Variants in ADCY7 observed in about 807,000 individuals in gnomAD.
ADCY7 encodes the protein adenylate cyclase type 7.
A neutral mutation model predicts 120.6 loss-of-function variants in ADCY7; 72 were observed. The observed-to-expected ratio is 0.60, with a 90% CI of 0.49 to 0.73. The LOEUF (loss-of-function observed/expected upper bound fraction) is 0.73. ADCY7 is among the 30% of genes least tolerant of loss of function. ADCY7 has a pLI of 0.00. For missense variants in ADCY7, 1,227 were observed against 1,486.0 expected (o/e 0.83, Z 2.87); for synonymous variants, 661 against 628.0 (o/e 1.05, Z -0.78).
chr16:50,308,790 C>A lies in ADCY7; in HGVS notation c.2059C>A (p.Leu687Met). 1 of 1,607,676 alleles carries A rather than the reference C, an allele frequency of 6.2e-7. No homozygotes were observed. Among genetic ancestry groups the A allele is most frequent in the Non-Finnish European group, 8.5e-7 (1 of 1,177,796 alleles). ...GSLLTVAIIN[L>M]PLMPFQVPEL... ...CCTGCTCACTGTGGCCATCATCAACCTGGTGGGTCCCGTGGTGGGGAGGCA... is the reference window on the plus strand; with the variant it reads ...CCTGCTCACTGTGGCCATCATCAACATGGTGGGTCCCGTGGTGGGGAGGCA... The change falls in exon 17 of 26, where the codon CTG (leucine) becomes ATG (methionine). Residue 687 changes from leucine to methionine, a missense_variant and splice_region_variant. Physicochemically the swap from Leu to Met is conservative, Grantham distance 15. Around this residue, in one of 5 missense-constraint regions of ADCY7, gnomAD observed 267 missense variants for 270.0 expected, o/e 0.99. Coordinates refer to ENST00000673801, the MANE Select transcript of ADCY7 (RefSeq NM_001114.5).
chr16:50,305,780 C>T lies in ADCY7; in HGVS notation c.1683C>T (p.Pro561=). 6.2e-7 allele frequency: 1 copy of T among 1,613,952 alleles called. No homozygotes were observed. The highest frequency in any genetic ancestry group is 1.1e-5 in the South Asian group (1 of 91,088). ...SAIEGLSSTR[P]CCSKSDDFYT... is the part of the protein sequence containing the mutation. Reference sequence around the variant, plus strand: ...CCGCAGCTGCCCCCGCCCACAGGCCCTGCTGCTCCAAGTCCGATGACTTCT... The same window carrying T: ...CCGCAGCTGCCCCCGCCCACAGGCCTTGCTGCTCCAAGTCCGATGACTTCT... Residue 561 remains proline (P), a synonymous_variant, in exon 14 of 26, where the codon CCC becomes CCT. Transcript: ENST00000673801.
chr16:50,279,632 CT>C (rs1468442067), intron 1 of ADCY7: 1 of 152,208 alleles, frequency 6.6e-6, no homozygotes, highest in Non-Finnish European at 1.5e-5. Flanking sequence ...AGCTCATTTC[CT>C]GAGCAGAATT....
At chr16:50,312,766 C>T (rs955439373) in intron 21 of ADCY7, 124 bp from the exon 22 acceptor site, 7 of 848,074 alleles carry the variant, frequency 8.3e-6, no homozygotes, top group Non-Finnish European at 1.2e-5. Flanking sequence ...CAGCCCGCCC[C>T]CCTCCCCACT....
chr16:50,276,796 G>A (rs1043758833), intron 1 of ADCY7, among the ~76,000 whole-genome samples: 2 of 152,030 alleles, frequency 1.3e-5, no homozygotes, highest in African/African-American at 2.4e-5. Context: ...ATCTCACTAC[G>A]TTGCCCAGGC....
rs935757103 is a variant in ADCY7, at chr16:50,318,101, TTTATACATTAAA to T, written c.*2600_*2611del. On this transcript the variant is annotated 3_prime_UTR_variant, in exon 26 of 26. Transcript: ENST00000673801. Reference sequence around the variant, plus strand: ...ATAAAGTACCAGTGTTTAGCTGCTTTTTATACATTAAATTAGCAATTTGAAAAACTCAAATAT... The same window carrying T: ...ATAAAGTACCAGTGTTTAGCTGCTTTTTAGCAATTTGAAAAACTCAAATAT... The T allele has an allele frequency of 1.3e-5, 2 of 152,326 alleles. No individual in the cohort carries two copies. The highest frequency in any genetic ancestry group is 4.8e-5 in the African/African-American group (2 of 41,464). The allele number at this position is 152,326 out of a possible 1,614,324, so 9.4% of individuals were successfully genotyped here.
intron 1 of ADCY7, among the ~76,000 whole-genome samples, chr16:50,276,959 T>A (rs75745733): frequency 2.6e-4 from 40 of 152,048 alleles, no homozygotes; most frequent in Non-Finnish European, 4.0e-4. Flanking sequence ...TTTTTTTTTT[T>A]AGTCACATAA....
At chr16:50,276,366 C>T (rs187402596) in intron 1 of ADCY7, among the ~76,000 whole-genome samples, 12 of 152,320 alleles carry the variant, frequency 7.9e-5, no homozygotes, top group African/African-American at 2.4e-4. Flanking sequence ...GGACAGGTGC[C>T]GGGCCCTCTC....
chr16:50,315,181 C>T, intron 25 of ADCY7, 43 bp downstream of exon 25: 1 of 1,609,714 alleles, frequency 6.2e-7, no homozygotes, highest in Non-Finnish European at 8.5e-7. Flanking sequence ...GGGAAAAGAT[C>T]TTCCCCAGAG....
intron 1 of ADCY7, among the ~76,000 whole-genome samples, chr16:50,281,507 A>C (rs1268346498): frequency 6.6e-6 from 1 of 151,684 alleles, no homozygotes; most frequent in East Asian, 1.9e-4. Context: ...GTGCTTCCCC[A>C]CCCTGGGCCT....
intron 1 of ADCY7, among the ~76,000 whole-genome samples, chr16:50,246,401 A>G (rs2032588031): frequency 6.6e-6 from 1 of 151,692 alleles, no homozygotes; most frequent in East Asian, 1.9e-4. Context: ...ATGCTCCGAG[A>G]CCCCTCCCTC....
At chr16:50,296,234 G>A (rs1052374734) in intron 7 of ADCY7, among the ~76,000 whole-genome samples, 4 of 152,074 alleles carry the variant, frequency 2.6e-5, no homozygotes, top group African/African-American at 9.7e-5. Flanking sequence ...TTTGTATTTT[G>A]TGGAGATGGG....
intron 15 of ADCY7, among the ~76,000 whole-genome samples, chr16:50,307,974 T>G (rs1180878381): frequency 8.1e-6 from 1 of 123,488 alleles, no homozygotes; most frequent in Admixed American, 1.1e-4. Flanking sequence ...CCAGCCTGGG[T>G]GACAGAGTGA....
In ADCY7 at chr16:50,293,372, G is replaced by A; in HGVS notation, c.706G>A (p.Val236Met). ...KRQQENLLLS[V>M]LPAHISMGMK... ...CACCCAGGAGAACCTGCTGCTGTCAGTGCTTCCGGCCCACATCTCCATGGG... is the reference window on the plus strand; with the variant it reads ...CACCCAGGAGAACCTGCTGCTGTCAATGCTTCCGGCCCACATCTCCATGGG... The change falls in exon 6 of 26, where the codon GTG becomes ATG. Residue 236 changes from valine (V) to methionine (M), a missense_variant. Coordinates refer to ENST00000673801, the MANE Select transcript of ADCY7 (RefSeq NM_001114.5). 2 of 1,613,412 alleles carry A rather than the reference G, an allele frequency of 1.2e-6. No homozygotes were observed. Among genetic ancestry groups the A allele is most frequent in the African/African-American group, 1.3e-5 (1 of 75,066 alleles).
chr16:50,255,541 C>CT (rs1449704389), intron 1 of ADCY7, among the ~76,000 whole-genome samples: 1 of 152,136 alleles, frequency 6.6e-6, no homozygotes, highest in African/African-American at 2.4e-5. Flanking sequence ...GTCACCTAGC[C>CT]TGGAGTGCAG....
intron 1 of ADCY7, among the ~76,000 whole-genome samples, chr16:50,270,536 T>G (rs1231280270): frequency 6.6e-6 from 1 of 152,168 alleles, no homozygotes; most frequent in Non-Finnish European, 1.5e-5. Context: ...TGATGCACAC[T>G]CTGCTCCTGG....
chr16:50,262,864 C>T (rs2033095983), upstream of ADCY7, among the ~76,000 whole-genome samples: 1 of 152,212 alleles, frequency 6.6e-6, no homozygotes, highest in Non-Finnish European at 1.5e-5. Flanking sequence ...CCCAAGGTTG[C>T]CCTTCTTTGG....
chr16:50,309,765 TGAG>T, intron 18 of ADCY7, 119 bp downstream of exon 18: 2 of 885,364 alleles, frequency 2.3e-6, no homozygotes, highest in Non-Finnish European at 3.4e-6. Context: ...ATGTGGAGGC[TGAG>T]AACAGCCTCT....
At chr16:50,292,902 C>A in intron 5 of ADCY7, 77 bp downstream of exon 5, 1 of 1,544,756 alleles carries the variant, frequency 6.5e-7, no homozygotes. Flanking sequence ...GACACTCATG[C>A]TGCCATGTGC....
Position 50,314,938 on chromosome 16 carries a change from A to C in ADCY7, c.2972-76A>C. 2.5e-6 allele frequency: 4 copies of C among 1,579,318 alleles called. No individual in the cohort carries two copies. The South Asian group carries it at 4.6e-5, about 18-fold the overall frequency. On this transcript the variant is annotated intron_variant, in intron 24 of 25. Coordinates refer to ENST00000673801, the MANE Select transcript of ADCY7 (RefSeq NM_001114.5). ...CCCCGCATCCTGTGCTGGGGTATGG[A>C]TTCTCTGGCCTCCTCTAAGGGCAGA...
Sources: allele counts gnomAD v4.1 joint callset (sites outside exome capture counted in the v4.1 genomes callset), GRCh38; gene constraint gnomAD v4.1.1; regional missense constraint gnomAD v4.1.1; transcripts MANE v1.5; gene names NCBI Gene and HGNC (gene_info 2026-07-23, HGNC 2026-07-21).